MLANA: variants seen among roughly 807,000 people sequenced by gnomAD.
MLANA encodes melanoma antigen recognized by T-cells 1.
In MLANA, 21 loss-of-function variants were observed where a neutral mutation model predicts 15.7. The ratio of observed to expected loss-of-function variants is 1.33; its 90% CI spans 0.95 to 1.92. The LOEUF is 1.92. MLANA is among the 40% of genes most tolerant of loss of function. The pLI is 0.00. For missense variants in MLANA, 164 were observed against 143.8 expected (o/e 1.14, Z -0.72); for synonymous variants, 56 against 51.5 (o/e 1.09, Z -0.37).
chr9:5,901,837 G>C (rs1364294648), intron 3 of MLANA, among the ~76,000 whole-genome samples: 1 of 152,116 alleles, frequency 6.6e-6, no homozygotes, highest in African/African-American at 2.4e-5. Flanking sequence ...TCTCAATATT[G>C]AACCAGGTTT....
intron 1 of MLANA, 45 bp from the exon 2 acceptor site, chr9:5,892,405 G>A (rs1831712858): frequency 7.2e-6 from 10 of 1,387,762 alleles, no homozygotes; most frequent in Admixed American, 3.9e-5. Flanking sequence ...GATGAATAGG[G>A]TGGCTTTGGA....
At chr9:5,895,192 CTG>C (rs1390668616) in intron 2 of MLANA, among the ~76,000 whole-genome samples, 5 of 152,160 alleles carry the variant, frequency 3.3e-5, no homozygotes, top group Admixed American at 1.3e-4. Context: ...TAACTTCAGT[CTG>C]TGAGTGTAGG....
intron 2 of MLANA, among the ~76,000 whole-genome samples, chr9:5,895,332 T>C (rs929461514): frequency 6.6e-6 from 1 of 151,964 alleles, no homozygotes; most frequent in African/African-American, 2.4e-5. Context: ...CCTGCCCCCA[T>C]TGCTGTTTGT....
intron 3 of MLANA, among the ~76,000 whole-genome samples, chr9:5,900,586 G>A (rs910835565): frequency 6.6e-5 from 10 of 151,898 alleles, no homozygotes; most frequent in African/African-American, 2.4e-4. Flanking sequence ...ATGAGCTTTG[G>A]GCATGTGAAT....
In MLANA at chr9:5,910,371, C is replaced by T. The variant is rs2130024436; in HGVS notation, c.*1663C>T. On this transcript the variant is annotated 3_prime_UTR_variant, in exon 5 of 5. Coordinates refer to ENST00000381477, the MANE Select transcript of MLANA (RefSeq NM_005511.2). ...GTATTACACACATCGAAAAAAACAA[C>T]ATTTAACAAAATATTAAAATATTTC... The T allele has an allele frequency of 6.6e-6, 1 of 152,266 alleles. No individual in the cohort carries two copies. The highest frequency in any genetic ancestry group is 1.5e-5 in the Non-Finnish European group (1 of 68,008). 9.4% of individuals were successfully genotyped at this position (152,266 alleles called of 1,614,324 possible). A position where few individuals can be genotyped will look rare whatever the true frequency, so the allele number is the denominator to read the frequency against.
intron 3 of MLANA, among the ~76,000 whole-genome samples, chr9:5,897,889 A>G (rs903370339): frequency 1.4e-4 from 22 of 152,350 alleles, no homozygotes; most frequent in African/African-American, 5.3e-4. Flanking sequence ...ATAACATAAT[A>G]CGAGAGACTG....
rs1365780498 is a variant in MLANA at position 5,906,946 on chromosome 9, T to C, written c.236T>C (p.Phe79Ser). 6.3e-7 allele frequency: 1 copy of C among 1,598,852 alleles called. No individual in the cohort carries two copies. Among genetic ancestry groups the C allele is most frequent in the African/African-American group, 1.4e-5 (1 of 73,698 alleles). The change falls in exon 4 of 5, where the codon TTT becomes TCT. Residue 79 changes from phenylalanine to serine, a missense_variant. Coordinates refer to ENST00000381477, the MANE Select transcript of MLANA (RefSeq NM_005511.2). ...ACAAGAAGATGCCCACAAGAAGGGT[T>C]TGATCATCGGGACAGCAAAGTGTCT... ...ALTRRCPQEG[F>S]DHRDSKVSLQ...
Position 5,908,643 on chromosome 9 carries a change from C to A in MLANA, c.292C>A (p.Pro98Thr). 2.5e-6 allele frequency: 4 copies of A among 1,613,908 alleles called. No individual in the cohort carries two copies. The highest frequency in any genetic ancestry group is 2.5e-6 in the Non-Finnish European group (3 of 1,179,836). ...TCTCCCTTTCTTGTTCTCACAGGTT[C>A]CCAATGCTCCACCTGCTTATGAGAA... The part of the protein sequence containing the change: ...LQEKNCEPVV[P>T]NAPPAYEKLS... The change falls in exon 5 of 5, where the codon CCC (proline) becomes ACC (threonine). Residue 98 changes from proline to threonine, a missense_variant. Coordinates refer to ENST00000381477, the MANE Select transcript of MLANA (RefSeq NM_005511.2).
chr9:5,904,749 G>C (rs1770290351), intron 3 of MLANA, among the ~76,000 whole-genome samples: 1 of 149,960 alleles, frequency 6.7e-6, no homozygotes. Flanking sequence ...ACAGGCGTGA[G>C]CCACCGCGCC....
At chr9:5,895,011 T>C (rs1381017001) in intron 2 of MLANA, among the ~76,000 whole-genome samples, 1 of 152,202 alleles carries the variant, frequency 6.6e-6, no homozygotes, top group Non-Finnish European at 1.5e-5. Context: ...GTGGGTTATC[T>C]GACATTTTCC....
intron 2 of MLANA, among the ~76,000 whole-genome samples, chr9:5,897,307 T>A (rs1832091628): frequency 6.6e-6 from 1 of 152,196 alleles, no homozygotes; most frequent in South Asian, 2.1e-4. Flanking sequence ...GGAACTTGGG[T>A]GCCTGGGCCA....
rs1831842473 is a variant in MLANA, at chr9:5,894,028, A to G, written c.77+1477A>G. ...CATGGTGGCGCTGGGATTTAAATCC[A>G]GGTCTGTTTGCCTCCAGAGTCCATG... On this transcript the variant is annotated intron_variant, in intron 2 of 4. Transcript: ENST00000381477. This position sits in a 1 kb window ranked among gnomAD's most constrained non-coding sequence, Gnocchi z 4.0. 6.6e-6 allele frequency among the ~76,000 whole-genome samples: 1 copy of G among 151,910 alleles called. No homozygotes were observed. The highest frequency in any genetic ancestry group is 2.1e-4 in the South Asian group (1 of 4,828).
intron 2 of MLANA, among the ~76,000 whole-genome samples, chr9:5,897,060 T>C (rs1431997700): frequency 6.6e-6 from 1 of 152,150 alleles, no homozygotes; most frequent in East Asian, 1.9e-4. Context: ...TCTGTGAAAA[T>C]AGGGGATGAT....
At position 5,894,011 on chromosome 9, in the gene MLANA, C is replaced by T. The variant is rs746666224; in HGVS notation, c.77+1460C>T. ...GGAAATGTGTGGCCAGACATGGTGG[C>T]GCTGGGATTTAAATCCAGGTCTGTT... On this transcript the variant is annotated intron_variant, in intron 2 of 4. Coordinates refer to ENST00000381477, the MANE Select transcript of MLANA (RefSeq NM_005511.2). This position sits in a 1 kb window ranked among gnomAD's most constrained non-coding sequence, Gnocchi z 4.0. Among the ~76,000 whole-genome samples, 52 of 151,256 alleles carry T rather than the reference C, an allele frequency of 3.4e-4. No homozygotes were observed. The highest frequency in any genetic ancestry group is 6.5e-4 in the Non-Finnish European group (44 of 67,930).
intron 2 of MLANA, among the ~76,000 whole-genome samples, chr9:5,892,859 A>G (rs7048559): frequency 0.23 from 34,921 of 152,028 alleles, 4,294 homozygotes; most frequent in African/African-American, 0.32. Flanking sequence ...CAGGATCACA[A>G]TGCCTCTCTC....
chr9:5,895,548 CAAG>C (rs1831956505), intron 2 of MLANA, among the ~76,000 whole-genome samples: 1 of 152,190 alleles, frequency 6.6e-6, no homozygotes, highest in African/African-American at 2.4e-5. Context: ...CACATCCAGC[CAAG>C]AAGGACTACA....
intron 2 of MLANA, among the ~76,000 whole-genome samples, chr9:5,896,110 C>T (rs984775464): frequency 2.4e-4 from 37 of 152,228 alleles, no homozygotes; most frequent in Non-Finnish European, 1.0e-4. Flanking sequence ...TGCTCACTTG[C>T]TTGGTCTCCC....
At chr9:5,896,550 T>G (rs1016541127) in intron 2 of MLANA, among the ~76,000 whole-genome samples, 1 of 152,206 alleles carries the variant, frequency 6.6e-6, no homozygotes, top group African/African-American at 2.4e-5. Context: ...TAGTTAAACC[T>G]TGCTTCTCCT....
In MLANA at chr9:5,897,744, C is replaced by T. The variant is rs1832129418; in HGVS notation, c.174+91C>T. ...GAATCTCTGGAGAGTCAGATAATTG[C>T]CTCATTATAACCTTCAGCTCTGATT... On this transcript the variant is annotated intron_variant, in intron 3 of 4. Coordinates refer to ENST00000381477, the MANE Select transcript of MLANA (RefSeq NM_005511.2). 2.7e-6 allele frequency: 3 copies of T among 1,119,722 alleles called. No individual in the cohort carries two copies. The Admixed American group carries it at 5.1e-5, about 19-fold the overall frequency. 69.4% of individuals were successfully genotyped at this position (1,119,722 alleles called of 1,614,324 possible).
Sources: allele counts gnomAD v4.1 joint callset (sites outside exome capture counted in the v4.1 genomes callset), GRCh38; gene constraint gnomAD v4.1.1; non-coding constraint Gnocchi (gnomAD v3.1); transcripts MANE v1.5; gene names NCBI Gene and HGNC (gene_info 2026-07-23, HGNC 2026-07-21).